The following AARS1 variants were observed in gnomAD, a reference collection of about 807,000 sequenced individuals.
AARS1 encodes alanyl-tRNA synthetase 1, also known as alanine--tRNA ligase, cytoplasmic.
A neutral mutation model predicts 108.9 loss-of-function variants in AARS1; 72 were observed. That is an observed-to-expected ratio of 0.66 (90% CI 0.55 to 0.80). The LOEUF (loss-of-function observed/expected upper bound fraction) is 0.80. AARS1 is among the 30% of genes least tolerant of loss of function. The pLI is 0.00. For synonymous variants in AARS1, 489 were observed against 465.7 expected (o/e 1.05, Z -0.64); for missense variants, 1,193 against 1,233.2 (o/e 0.97, Z 0.49).
chr16:70,263,264 A>G (rs1482563038), intron 11 of AARS1, among the ~76,000 whole-genome samples: 1 of 152,020 alleles, frequency 6.6e-6, no homozygotes, highest in Non-Finnish European at 1.5e-5. Context: ...GCTTGCTTGA[A>G]TAGATTTAGG....
rs1375225875 is a variant in AARS1, at chr16:70,270,180, G to T, written c.816+16C>A. On this transcript the variant is annotated intron_variant, in intron 6 of 20. Transcript: ENST00000261772. ...AACTCCACAGAAGTTTACAATGTTT[G>T]CAATAGCACCAGTACCTTCTGAATG... is the stretch of plus-strand genomic sequence containing the variant. The T allele has an allele frequency of 6.2e-7, 1 of 1,613,802 alleles. No homozygotes were observed. The highest frequency in any genetic ancestry group is 8.5e-7 in the Non-Finnish European group (1 of 1,179,858).
At chr16:70,268,167 C>CA (rs1369026906) in intron 8 of AARS1, 104 bp downstream of exon 8, 10 of 1,124,628 alleles carry the variant, frequency 8.9e-6, no homozygotes, top group Non-Finnish European at 1.3e-5. Flanking sequence ...GACTCCGTCT[C>CA]AAAAAACAGC....
intron 1 of AARS1, among the ~76,000 whole-genome samples, chr16:70,288,635 C>G (rs963668446): frequency 5.5e-5 from 8 of 146,574 alleles, no homozygotes; most frequent in African/African-American, 2.0e-4. Flanking sequence ...GGTGTGATCT[C>G]AGCTCACTGC....
chr16:70,273,634 A>G (rs1960463829), intron 4 of AARS1, among the ~76,000 whole-genome samples: 1 of 151,472 alleles, frequency 6.6e-6, no homozygotes, highest in Admixed American at 6.6e-5. Flanking sequence ...AGGCCAAGGC[A>G]GGCCGATCAT....
chr16:70,276,819 A>C (rs559638160), intron 3 of AARS1, 147 bp downstream of exon 3: 1 of 1,147,792 alleles, frequency 8.7e-7, no homozygotes, highest in Admixed American at 2.1e-5. Context: ...TACTTCCAGG[A>C]AGTCTTAGAA....
chr16:70,253,028 C>A, intron 20 of AARS1, 122 bp from the exon 21 acceptor site: 1 of 1,176,528 alleles, frequency 8.5e-7, no homozygotes, highest in Non-Finnish European at 1.2e-6. Context: ...TGCTGGAGGC[C>A]GAGACAGACT....
At chr16:70,282,222 G>A (rs1451599575) in intron 2 of AARS1, among the ~76,000 whole-genome samples, 1 of 151,644 alleles carries the variant, frequency 6.6e-6, no homozygotes, top group African/African-American at 2.4e-5. Flanking sequence ...CCAGCTACTC[G>A]GGAGGCTGGG....
chr16:70,287,448 C>A (rs988817907), intron 1 of AARS1, among the ~76,000 whole-genome samples: 1 of 149,688 alleles, frequency 6.7e-6, no homozygotes, highest in Non-Finnish European at 1.5e-5. Context: ...TGAGGCAGGT[C>A]TCGCTCTGTC....
rs747848503 is a variant in AARS1 at position 70,258,949 on chromosome 16, AG to A, written c.1992+30del. On this transcript the variant is annotated intron_variant, in intron 14 of 20. Transcript: ENST00000261772. ...GTGGACAGACAGTGACGGTGTGGGG[AG>A]GGGGGGCATTCAGCCGTCGCCCATC... is the stretch of plus-strand genomic sequence containing the variant. The A allele has an allele frequency of 3.8e-6, 6 of 1,596,354 alleles. No individual in the cohort carries two copies. In the South Asian group the frequency reaches 4.4e-5, roughly 12 times the overall value.
intron 11 of AARS1, among the ~76,000 whole-genome samples, chr16:70,264,161 G>T (rs559413855): frequency 6.6e-6 from 1 of 151,008 alleles, no homozygotes; most frequent in Non-Finnish European, 1.5e-5. Context: ...CCGGAGAATC[G>T]CTTGAACCCA....
intron 13 of AARS1, among the ~76,000 whole-genome samples, chr16:70,260,694 G>A (rs1031910621): frequency 6.6e-6 from 1 of 151,506 alleles, no homozygotes; most frequent in Admixed American, 6.6e-5. Flanking sequence ...GCGGAGTCTC[G>A]CTCTGTTGCC....
intron 1 of AARS1, among the ~76,000 whole-genome samples, chr16:70,287,148 G>A (rs1468541414): frequency 2.0e-5 from 3 of 151,152 alleles, no homozygotes; most frequent in East Asian, 2.0e-4. Context: ...CTAGCTACTC[G>A]GGAGGCTGAG....
At chr16:70,273,598 C>T (rs138062629) in intron 4 of AARS1, among the ~76,000 whole-genome samples, 1 of 152,044 alleles carries the variant, frequency 6.6e-6, no homozygotes, top group African/African-American at 2.4e-5. Context: ...CGCAGTGGCT[C>T]ACGCCTGTAA....
rs1253447301 is a variant in AARS1, at chr16:70,262,342, T to A, written c.1671+4A>T. The A allele has an allele frequency of 6.2e-7, 1 of 1,614,068 alleles. No individual in the cohort carries two copies. Among genetic ancestry groups the A allele is most frequent in the Non-Finnish European group, 8.5e-7 (1 of 1,180,040 alleles). ...CGGCTAACAAGGAAGAACTGTTGGC[T>A]CACATCTTCACTGCTGTCATCCACC... On this transcript the variant is annotated splice_donor_region_variant and intron_variant, in intron 12 of 20. Coordinates refer to ENST00000261772, the MANE Select transcript of AARS1 (RefSeq NM_001605.3).
chr16:70,262,987 A>G lies in AARS1; in HGVS notation c.1493-463T>C, dbSNP rs939920296. Among the ~76,000 whole-genome samples the G allele has an allele frequency of 2.4e-4, 36 of 147,466 alleles. 1 individual carries two copies. The highest frequency in any genetic ancestry group is 7.8e-4 in the African/African-American group (31 of 39,646). Reference sequence around the variant, plus strand: ...GGTCTCAAAAAAAAAAAAAAAAAAAAAAAAAAAAAAACAACAACAACAAAG... The same window carrying G: ...GGTCTCAAAAAAAAAAAAAAAAAAAGAAAAAAAAAAACAACAACAACAAAG... On this transcript the variant is annotated intron_variant, in intron 11 of 20. Transcript: ENST00000261772.
rs1233490951 is a variant in AARS1, at chr16:70,254,609, A to G, written c.2400+12T>C. 6.3e-7 allele frequency: 1 copy of G among 1,585,298 alleles called. No individual in the cohort carries two copies. The highest frequency in any genetic ancestry group is 8.7e-7 in the Non-Finnish European group (1 of 1,153,832). On this transcript the variant is annotated intron_variant, in intron 17 of 20. Transcript: ENST00000261772. Reference sequence around the variant, plus strand: ...CAGGCCCTGAGGACGGAGGGAGGGAAGCCGCCCCTACCTCTCCAAGGTCAG... The same window carrying G: ...CAGGCCCTGAGGACGGAGGGAGGGAGGCCGCCCCTACCTCTCCAAGGTCAG...
chr16:70,288,706 A>G (rs928545489), intron 1 of AARS1, among the ~76,000 whole-genome samples: 7 of 151,766 alleles, frequency 4.6e-5, no homozygotes, highest in African/African-American at 1.5e-4. Context: ...GGCTGAGAGT[A>G]CAGGCGCGCG....
intron 4 of AARS1, among the ~76,000 whole-genome samples, chr16:70,272,769 A>G (rs1189680471): frequency 2.0e-5 from 3 of 147,930 alleles, no homozygotes. Context: ...AATACAAAAA[A>G]AAATTAGCTG....
At chr16:70,259,962 G>T (rs1248268295) in intron 13 of AARS1, among the ~76,000 whole-genome samples, 15 of 152,066 alleles carry the variant, frequency 9.9e-5, no homozygotes, top group Admixed American at 2.0e-4. Flanking sequence ...AGTAGAGACA[G>T]GGTTTCTCCA....
Sources: gnomAD v4.1 joint callset for allele counts (sites outside exome capture counted in the v4.1 genomes callset) on GRCh38, gnomAD v4.1.1 for gene constraint, MANE v1.5 for transcripts, NCBI Gene and HGNC (gene_info 2026-07-23, HGNC 2026-07-21) for gene names.